MCTP2: variants seen among roughly 807,000 people sequenced by gnomAD.
The protein encoded by MCTP2 is multiple C2 and transmembrane domain-containing protein 2.
A neutral mutation model predicts 111.6 loss-of-function variants in MCTP2; 132 were observed. That is an observed-to-expected ratio of 1.18 (90% CI 1.03 to 1.37). MCTP2 has a LOEUF of 1.37. Ranked by LOEUF, MCTP2 falls within the 40% of genes most tolerant of loss-of-function variation. The probability of loss-of-function intolerance (pLI) is 0.00; values close to 1 mark genes in which losing one functional copy is unlikely to be tolerated. For missense variants in MCTP2, 1,183 were observed against 1,067.9 expected (o/e 1.11, Z -1.50); for synonymous variants, 395 against 387.7 (o/e 1.02, Z -0.22).
rs559083714 is a variant in MCTP2 at position 94,267,416 on chromosome 15, GTAT to G, written c.-65-30783_-65-30781del. ...GTACATTTCTTTTTGTTGGTGAGTA[GTAT>G]TCCATTATATGGACACATCATATTT... is the stretch of plus-strand genomic sequence containing the variant. On this transcript the variant is annotated intron_variant, in intron 1 of 22. Transcript: ENST00000357742. Among the ~76,000 whole-genome samples the G allele has an allele frequency of 1.6e-3, 245 of 152,218 alleles. 1 individual carries two copies. The highest frequency in any genetic ancestry group is 6.8e-3 in the Middle Eastern group (2 of 294).
chr15:94,243,509 GT>G (rs1243344041), intron 1 of MCTP2, among the ~76,000 whole-genome samples: 1 of 138,116 alleles, frequency 7.2e-6, no homozygotes, highest in Non-Finnish European at 1.6e-5. Context: ...ATATGTATGC[GT>G]ATATGCGTAT....
At position 94,440,298 on chromosome 15, in the gene MCTP2, G is replaced by A; in HGVS notation, c.2208G>A (p.Gln736=). The A allele has an allele frequency of 6.2e-7, 1 of 1,613,556 alleles. No individual in the cohort carries two copies. The highest frequency in any genetic ancestry group is 8.5e-7 in the Non-Finnish European group (1 of 1,179,830). The change falls in exon 18 of 23, where the codon CAG becomes CAA. Residue 736 remains glutamine, a splice_region_variant and synonymous_variant. Transcript: ENST00000357742. The part of the protein sequence containing the change: ...KGKVSSIQDS[Q]ESTDIDDEED... ...AGGTCAGCAGCATCCAGGACAGCCA[G>A]GTAAGCAAGGATTCGGAGTTCTGAC...
intron 4 of MCTP2, among the ~76,000 whole-genome samples, chr15:94,320,929 C>T (rs1473099659): frequency 6.6e-6 from 1 of 152,124 alleles, no homozygotes; most frequent in Admixed American, 6.5e-5. Flanking sequence ...TTTGTGACCT[C>T]CTTGTACAAC....
chr15:94,334,051 T>G (rs1000470316), intron 4 of MCTP2, among the ~76,000 whole-genome samples: 4 of 152,136 alleles, frequency 2.6e-5, no homozygotes, highest in African/African-American at 9.7e-5. Context: ...GTAAAATAAA[T>G]GAATATTTAA....
intron 20 of MCTP2, among the ~76,000 whole-genome samples, chr15:94,469,279 C>T (rs1024251353): frequency 3.3e-5 from 5 of 152,126 alleles, no homozygotes; most frequent in Admixed American, 6.5e-5. Flanking sequence ...GTAGGGCGTT[C>T]GATCTCTAGG....
intron 17 of MCTP2, among the ~76,000 whole-genome samples, chr15:94,433,388 A>G (rs921713062): frequency 2.0e-5 from 3 of 152,134 alleles, no homozygotes; most frequent in African/African-American, 7.2e-5. Flanking sequence ...ACATATTGGG[A>G]AGACATGCAT....
At chr15:94,402,606 C>A (rs1567634903) in intron 17 of MCTP2, 2 of 1,550,916 alleles carry the variant, frequency 1.3e-6, no homozygotes, top group East Asian at 2.4e-5. Flanking sequence ...CTTAAAACCA[C>A]CTAAGTCTAC....
intron 2 of MCTP2, among the ~76,000 whole-genome samples, chr15:94,310,617 A>G (rs1419469166): frequency 2.0e-5 from 3 of 152,008 alleles, no homozygotes; most frequent in African/African-American, 7.2e-5. Flanking sequence ...TGCGACAGTT[A>G]TGGCAGCTGT....
intron 10 of MCTP2, among the ~76,000 whole-genome samples, chr15:94,363,201 A>G (rs1390321022): frequency 6.6e-6 from 1 of 152,158 alleles, no homozygotes; most frequent in Non-Finnish European, 1.5e-5. Flanking sequence ...CTTCAAATCT[A>G]GAGCACATTG....
chr15:94,451,289 T>TA lies in MCTP2; in HGVS notation c.2251-6840dup, dbSNP rs539830999. The stretch of plus-strand genomic sequence containing the variant: ...ATGCTCTTCTTTTTTATTGTGTGTT[T>TA]AAAAAAAACAAGGAAACCTTATGAA... On this transcript the variant is annotated intron_variant, in intron 19 of 22. Coordinates refer to ENST00000357742, the MANE Select transcript of MCTP2 (RefSeq NM_001385001.1). Among the ~76,000 whole-genome samples the TA allele has an allele frequency of 9.9e-5, 15 of 152,130 alleles. No individual in the cohort carries two copies. The South Asian group carries it at 1.7e-3, about 17-fold the overall frequency.
chr15:94,422,630 A>G (rs1020234121), intron 17 of MCTP2, among the ~76,000 whole-genome samples: 3 of 152,128 alleles, frequency 2.0e-5, no homozygotes, highest in Non-Finnish European at 4.4e-5. Flanking sequence ...TTGTTTAGAA[A>G]TCCATTCTCA....
chr15:94,270,201 GA>G (rs1356834705), intron 1 of MCTP2, among the ~76,000 whole-genome samples: 1 of 152,168 alleles, frequency 6.6e-6, no homozygotes, highest in Non-Finnish European at 1.5e-5. Context: ...ATATGTCAAA[GA>G]ATGTTTCCAC....
At chr15:94,305,662 GT>G (rs1214008684) in intron 2 of MCTP2, among the ~76,000 whole-genome samples, 1 of 152,068 alleles carries the variant, frequency 6.6e-6, no homozygotes, top group Non-Finnish European at 1.5e-5. Flanking sequence ...TGATATGCAT[GT>G]ATATTGATTC....
chr15:94,279,666 G>A (rs942320939), intron 1 of MCTP2, among the ~76,000 whole-genome samples: 1 of 152,142 alleles, frequency 6.6e-6, no homozygotes, highest in South Asian at 2.1e-4. Flanking sequence ...TAGGAGTGGT[G>A]AGAGTGGGCA....
At chr15:94,253,302 T>G (rs1742498569) in intron 1 of MCTP2, among the ~76,000 whole-genome samples, 1 of 152,316 alleles carries the variant, frequency 6.6e-6, no homozygotes, top group South Asian at 2.1e-4. Context: ...AACTTATCAG[T>G]CTTCCACCTT....
At chr15:94,266,594 G>T (rs2073549612) in intron 1 of MCTP2, among the ~76,000 whole-genome samples, 1 of 152,126 alleles carries the variant, frequency 6.6e-6, no homozygotes, top group South Asian at 2.1e-4. Context: ...CCCACACTGA[G>T]GTACCAACAC....
At chr15:94,424,008 C>T (rs923869043) in intron 17 of MCTP2, among the ~76,000 whole-genome samples, 4 of 152,168 alleles carry the variant, frequency 2.6e-5, no homozygotes, top group African/African-American at 7.2e-5. Context: ...GCTTTGTCCC[C>T]AGGAGTAATG....
At chr15:94,477,891 GT>G (rs954819016) in intron 22 of MCTP2, among the ~76,000 whole-genome samples, 5 of 152,110 alleles carry the variant, frequency 3.3e-5, no homozygotes, top group African/African-American at 9.7e-5. Flanking sequence ...GCCCCTGTTT[GT>G]TTTGCATTGA....
intron 13 of MCTP2, among the ~76,000 whole-genome samples, chr15:94,385,020 A>G (rs1038681922): frequency 6.6e-6 from 1 of 152,206 alleles, no homozygotes; most frequent in African/African-American, 2.4e-5. Flanking sequence ...ATTTTTCACC[A>G]CCATTTTATT....
Sources: allele counts gnomAD v4.1 joint callset (sites outside exome capture counted in the v4.1 genomes callset), GRCh38; gene constraint gnomAD v4.1.1; transcripts MANE v1.5; gene names NCBI Gene and HGNC (gene_info 2026-07-23, HGNC 2026-07-21).